ROBO2: variants seen among roughly 807,000 people sequenced by gnomAD.
ROBO2 encodes the protein roundabout homolog 2.
A neutral mutation model predicts 160.8 loss-of-function variants in ROBO2; 53 were observed. The observed-to-expected ratio is 0.33, with a 90% CI of 0.26 to 0.41. The LOEUF is 0.41. ROBO2 is among the 10% of genes least tolerant of loss of function. ROBO2 has a pLI of 1.00. For missense variants in ROBO2, 1,577 were observed against 1,722.4 expected, an observed-to-expected ratio of 0.92 and a Z score of 1.49; for synonymous variants, 664 against 611.7, an observed-to-expected ratio of 1.09 and a Z score of -1.26.
chr3:76,563,925 G>A (rs1382807912), intron 2 of ROBO2, among the ~76,000 whole-genome samples: 1 of 152,198 alleles, frequency 6.6e-6, no homozygotes, highest in Non-Finnish European at 1.5e-5. Flanking sequence ...ATTCAAGTAA[G>A]ATCTAAAAGT....
chr3:76,795,564 G>C (rs1361585331), intron 2 of ROBO2, among the ~76,000 whole-genome samples: 1 of 152,104 alleles, frequency 6.6e-6, no homozygotes, highest in South Asian at 2.1e-4. Flanking sequence ...TATGTAATGA[G>C]ATTGCAGCAA....
At chr3:77,369,718 T>C (rs1201961256) in intron 2 of ROBO2, among the ~76,000 whole-genome samples, 1 of 152,154 alleles carries the variant, frequency 6.6e-6, no homozygotes, top group East Asian at 1.9e-4. Context: ...TTGGAGAGGC[T>C]GAGTTAGGGT....
chr3:76,061,533 G>A (rs1241081350), intron 2 of ROBO2, among the ~76,000 whole-genome samples: 1 of 152,142 alleles, frequency 6.6e-6, no homozygotes, highest in African/African-American at 2.4e-5. Context: ...AGAGTTGTTT[G>A]ATAGTAGAGA....
intron 2 of ROBO2, among the ~76,000 whole-genome samples, chr3:76,389,910 A>G (rs968451910): frequency 6.6e-6 from 1 of 152,180 alleles, no homozygotes; most frequent in Admixed American, 6.5e-5. Context: ...ACCTTGGGAC[A>G]TGAGAGTTAC....
intron 2 of ROBO2, among the ~76,000 whole-genome samples, chr3:76,740,476 T>G (rs2093783841): frequency 6.6e-6 from 1 of 152,156 alleles, no homozygotes; most frequent in Non-Finnish European, 1.5e-5. Context: ...AAATGTTCAC[T>G]TTGACCTTTA....
intron 2 of ROBO2, among the ~76,000 whole-genome samples, chr3:75,971,793 T>C (rs1316685921): frequency 6.6e-6 from 1 of 151,462 alleles, no homozygotes; most frequent in African/African-American, 2.4e-5. Context: ...GATTCTTAAG[T>C]TTTACAGAAG....
intron 2 of ROBO2, among the ~76,000 whole-genome samples, chr3:76,199,155 G>A (rs184657131): frequency 1.3e-5 from 2 of 152,188 alleles, no homozygotes; most frequent in East Asian, 3.9e-4. Context: ...TGCCACCCAA[G>A]CATTCACATC....
intron 2 of ROBO2, among the ~76,000 whole-genome samples, chr3:76,843,922 A>C (rs996348143): frequency 3.3e-5 from 5 of 152,096 alleles, no homozygotes; most frequent in African/African-American, 1.2e-4. Flanking sequence ...ATTGCAGCAG[A>C]AAAGTTTAAA....
intron 2 of ROBO2, among the ~76,000 whole-genome samples, chr3:77,423,359 A>C (rs1360671551): frequency 2.0e-5 from 3 of 152,196 alleles, no homozygotes; most frequent in Non-Finnish European, 2.9e-5. Context: ...CTTTCAAAGT[A>C]GTTGCAGAAT....
At chr3:77,305,998 G>T (rs1021976339) in intron 2 of ROBO2, among the ~76,000 whole-genome samples, 15 of 151,994 alleles carry the variant, frequency 9.9e-5, no homozygotes, top group African/African-American at 3.6e-4. Context: ...CAAATCTAGA[G>T]ACACAAAAAT....
chr3:77,076,608 A>C (rs948516485), intron 1 of ROBO2, among the ~76,000 whole-genome samples: 6 of 152,272 alleles, frequency 3.9e-5, no homozygotes, highest in Non-Finnish European at 7.4e-5. Context: ...AATTATATGG[A>C]ATCTTTACAA....
intron 2 of ROBO2, among the ~76,000 whole-genome samples, chr3:76,406,607 A>G (rs1017451447): frequency 6.6e-6 from 1 of 151,852 alleles, no homozygotes; most frequent in Non-Finnish European, 1.5e-5. Context: ...CTCAAGAAAC[A>G]TGATTCACTC....
chr3:76,039,976 A>G (rs538780270), intron 2 of ROBO2, among the ~76,000 whole-genome samples: 1 of 152,158 alleles, frequency 6.6e-6, no homozygotes, highest in East Asian at 1.9e-4. Flanking sequence ...TGCTGTGTTA[A>G]ATAATATCTG....
At chr3:76,683,330 G>A (rs1434195873) in intron 2 of ROBO2, among the ~76,000 whole-genome samples, 1 of 151,702 alleles carries the variant, frequency 6.6e-6, no homozygotes, top group Non-Finnish European at 1.5e-5. Context: ...ACAAATGACT[G>A]CTTGGATTTT....
intron 2 of ROBO2, among the ~76,000 whole-genome samples, chr3:76,367,826 ATTAT>A (rs1424512777): frequency 2.9e-4 from 44 of 152,040 alleles, no homozygotes; most frequent in African/African-American, 1.1e-3. Flanking sequence ...GCAATATGAG[ATTAT>A]TAATTCATTT....
chr3:76,434,062 G>T (rs2076556932), intron 2 of ROBO2: 2 of 1,302,674 alleles, frequency 1.5e-6, no homozygotes, highest in Admixed American at 3.4e-5. Flanking sequence ...AGAGGGCAGT[G>T]GGCCTCCTGG....
At chr3:77,509,923 G>T (rs1340332026) in intron 5 of ROBO2, among the ~76,000 whole-genome samples, 2 of 152,050 alleles carry the variant, frequency 1.3e-5, no homozygotes, top group African/African-American at 4.8e-5. Flanking sequence ...TCCCGTGTCA[G>T]CATAAGCAGA....
intron 2 of ROBO2, among the ~76,000 whole-genome samples, chr3:76,613,315 C>G (rs1364029335): frequency 2.0e-5 from 3 of 152,002 alleles, no homozygotes; most frequent in African/African-American, 7.2e-5. Context: ...CATGCAAATG[C>G]TTTTTGTGTG....
intron 2 of ROBO2, among the ~76,000 whole-genome samples, chr3:76,483,545 T>C (rs2079324128): frequency 6.6e-6 from 1 of 152,158 alleles, no homozygotes; most frequent in South Asian, 2.1e-4. Flanking sequence ...ATATGCAGAA[T>C]CCATATTATC....
Sources: allele counts gnomAD v4.1 joint callset (sites outside exome capture counted in the v4.1 genomes callset), GRCh38; gene constraint gnomAD v4.1.1; transcripts MANE v1.5; gene names NCBI Gene and HGNC (gene_info 2026-07-23, HGNC 2026-07-21).